IREB2: variants seen among roughly 807,000 people sequenced by gnomAD.
IREB2 encodes the protein iron-responsive element-binding protein 2.
A neutral mutation model predicts 118.8 loss-of-function variants in IREB2; 39 were observed. That is an observed-to-expected ratio of 0.33 (90% confidence interval 0.25 to 0.43). IREB2 has a LOEUF of 0.43. Among genes scored for constraint, IREB2 ranks in the 20% least tolerant of loss-of-function variants. The pLI is 1.00. For missense variants in IREB2, 900 were observed against 1,147.3 expected (o/e 0.78, Z 3.11); for synonymous variants, 372 against 392.2 (o/e 0.95, Z 0.61).
At chr15:78,497,383 C>A in intron 21 of IREB2, 72 bp downstream of exon 21, 1 of 1,114,126 alleles carries the variant, frequency 9.0e-7, no homozygotes, top group Non-Finnish European at 1.3e-6. Flanking sequence ...GAATCAATTG[C>A]TGTAAATTAT....
intron 2 of IREB2, among the ~76,000 whole-genome samples, chr15:78,460,635 G>A (rs946192892): frequency 6.6e-6 from 1 of 152,142 alleles, no homozygotes; most frequent in Non-Finnish European, 1.5e-5. Context: ...TGTTGTGTGT[G>A]TTTAGGAAAT....
chr15:78,449,773 C>T (rs550265025), intron 2 of IREB2, among the ~76,000 whole-genome samples: 2 of 152,240 alleles, frequency 1.3e-5, no homozygotes, highest in East Asian at 3.9e-4. Flanking sequence ...TCATCGGATG[C>T]TTCCCGTATA....
intron 8 of IREB2, chr15:78,475,214 G>C (rs2051449536): frequency 6.6e-6 from 1 of 152,118 alleles, no homozygotes; most frequent in South Asian, 2.1e-4. Flanking sequence ...ATCGAGGATA[G>C]TTTCATTCTT....
intron 2 of IREB2, among the ~76,000 whole-genome samples, chr15:78,447,745 C>T (rs1317512814): frequency 1.3e-5 from 2 of 152,174 alleles, no homozygotes; most frequent in East Asian, 1.9e-4. Context: ...CCACCATGCC[C>T]GGCCCATTAT....
At chr15:78,474,276 C>T (rs1483216936) in intron 8 of IREB2, 1 of 152,124 alleles carries the variant, frequency 6.6e-6, no homozygotes, top group Non-Finnish European at 1.5e-5. Context: ...ATTATTGGTA[C>T]GAAGGCTTTC....
At chr15:78,448,637 A>G (rs1012045197) in intron 2 of IREB2, among the ~76,000 whole-genome samples, 3 of 152,206 alleles carry the variant, frequency 2.0e-5, no homozygotes, top group Non-Finnish European at 4.4e-5. Context: ...TCCTGTTGCC[A>G]GGCCTGATGG....
chr15:78,452,713 C>A (rs1489293044), intron 2 of IREB2, among the ~76,000 whole-genome samples: 1 of 151,922 alleles, frequency 6.6e-6, no homozygotes, highest in African/African-American at 2.4e-5. Context: ...TCGAGACCAG[C>A]CTGGGCAACA....
intron 5 of IREB2, among the ~76,000 whole-genome samples, chr15:78,467,066 C>G (rs561670171): frequency 9.2e-5 from 14 of 151,908 alleles, no homozygotes; most frequent in African/African-American, 2.4e-4. Flanking sequence ...AAAAATTACC[C>G]GGGTGTGGTG....
intron 2 of IREB2, among the ~76,000 whole-genome samples, chr15:78,459,001 A>T (rs1002148889): frequency 6.6e-6 from 1 of 151,928 alleles, no homozygotes; most frequent in Non-Finnish European, 1.5e-5. Context: ...GGTTTCCACC[A>T]TGTTGCCCAG....
intron 2 of IREB2, among the ~76,000 whole-genome samples, chr15:78,445,480 AC>A (rs2050914589): frequency 6.6e-6 from 1 of 152,222 alleles, no homozygotes; most frequent in South Asian, 2.1e-4. Flanking sequence ...ACAAAAACTC[AC>A]TCAAGTAAAA....
intron 20 of IREB2, among the ~76,000 whole-genome samples, chr15:78,495,839 G>C (rs768804358): frequency 6.6e-6 from 1 of 152,160 alleles, no homozygotes; most frequent in Non-Finnish European, 1.5e-5. Context: ...ATTTTGGAGA[G>C]AAGGGAGGTG....
At position 78,488,642 on chromosome 15, in the gene IREB2, A is replaced by G. The variant is rs1275289933; in HGVS notation, c.1952-5A>G. 1 of 1,590,348 alleles carries G rather than the reference A, an allele frequency of 6.3e-7. No individual in the cohort carries two copies. The highest frequency in any genetic ancestry group is 8.5e-7 in the Non-Finnish European group (1 of 1,173,754). ...CTGAGTATCATGTTCAAAAATTTTA[A>G]CCAGGTACTGACCCCACCGGCAAGA... is the stretch of plus-strand genomic sequence containing the variant. On this transcript the variant is annotated splice_polypyrimidine_tract_variant and splice_region_variant and intron_variant, in intron 15 of 21. Coordinates refer to ENST00000258886, the MANE Select transcript of IREB2 (RefSeq NM_004136.4).
chr15:78,468,684 G>A (rs1250402242), intron 5 of IREB2, among the ~76,000 whole-genome samples: 5 of 152,040 alleles, frequency 3.3e-5, no homozygotes, highest in African/African-American at 1.2e-4. Flanking sequence ...CTTTGTCCCT[G>A]ACTGGATCTT....
At chr15:78,448,113 C>G (rs1191629223) in intron 2 of IREB2, among the ~76,000 whole-genome samples, 1 of 152,192 alleles carries the variant, frequency 6.6e-6, no homozygotes, top group African/African-American at 2.4e-5. Context: ...CTTCCTCAGA[C>G]TCTCTCAATG....
intron 9 of IREB2, among the ~76,000 whole-genome samples, chr15:78,477,980 G>T (rs1048102626): frequency 6.6e-6 from 1 of 151,666 alleles, no homozygotes. Context: ...CCAGCCCTTT[G>T]GGAGGCCAAG....
intron 18 of IREB2, among the ~76,000 whole-genome samples, chr15:78,493,233 G>A (rs1030554531): frequency 3.9e-5 from 6 of 151,996 alleles, no homozygotes; most frequent in Admixed American, 3.9e-4. Context: ...GAAGGAGAGG[G>A]AACATATACT....
chr15:78,465,120 G>T, intron 3 of IREB2, 131 bp from the exon 4 acceptor site: 1 of 702,096 alleles, frequency 1.4e-6, no homozygotes, highest in Non-Finnish European at 2.3e-6. Flanking sequence ...AACTTATAAA[G>T]TACATTATGA....
chr15:78,482,779 G>A (rs866835525), intron 10 of IREB2, among the ~76,000 whole-genome samples: 6 of 149,754 alleles, frequency 4.0e-5, no homozygotes, highest in Non-Finnish European at 7.4e-5. Flanking sequence ...ACGGAGTCTC[G>A]CTGTGTTACC....
At chr15:78,447,841 G>C (rs192787207) in intron 2 of IREB2, among the ~76,000 whole-genome samples, 1 of 152,282 alleles carries the variant, frequency 6.6e-6, no homozygotes, top group Non-Finnish European at 1.5e-5. Flanking sequence ...ATCACAGAAC[G>C]AGGCTGAGGC....
Sources: gnomAD v4.1 joint callset for allele counts (sites outside exome capture counted in the v4.1 genomes callset) on GRCh38, gnomAD v4.1.1 for gene constraint, MANE v1.5 for transcripts, NCBI Gene and HGNC (gene_info 2026-07-23, HGNC 2026-07-21) for gene names.